SLC41A2: variants seen among roughly 807,000 people sequenced by gnomAD.
SLC41A2 encodes SLC41A1-like 1.
Under a neutral mutation model 58.3 loss-of-function variants are expected in SLC41A2, and 32 were observed. The ratio of observed to expected loss-of-function variants is 0.55; its 90% confidence interval spans 0.41 to 0.74. The LOEUF (loss-of-function observed/expected upper bound fraction) is 0.74. Ranked by LOEUF, SLC41A2 falls within the 30% of genes least tolerant of loss-of-function variation. The probability of loss-of-function intolerance (pLI) is 0.00; values close to 1 mark genes in which losing one functional copy is unlikely to be tolerated. For missense variants in SLC41A2, 514 were observed against 680.6 expected, an observed-to-expected ratio of 0.76 and a Z score of 2.72; for synonymous variants, 190 against 235.0, an observed-to-expected ratio of 0.81 and a Z score of 1.75.
rs564079444 is a variant in SLC41A2 at position 104,860,543 on chromosome 12, C to T, written c.1255+748G>A. Among the ~76,000 whole-genome samples the T allele has an allele frequency of 5.7e-4, 86 of 151,778 alleles. No homozygotes were observed. In the Middle Eastern group the frequency reaches 0.01, roughly 18 times the overall value. On this transcript the variant is annotated intron_variant, in intron 8 of 10. Coordinates refer to ENST00000258538, the MANE Select transcript of SLC41A2 (RefSeq NM_001352171.3). ...ATTTCATAGATAACAAAAAAATATA[C>T]GACAGATTTTTAAAGGGATCAGCTG...
chr12:104,905,985 G>C (rs983816459), intron 3 of SLC41A2, among the ~76,000 whole-genome samples: 1 of 152,238 alleles, frequency 6.6e-6, no homozygotes, highest in Admixed American at 6.5e-5. Context: ...GGACTGAAGG[G>C]CTCCTCTAAT....
At chr12:104,824,391 T>C (rs2041761580) in intron 10 of SLC41A2, among the ~76,000 whole-genome samples, 1 of 152,070 alleles carries the variant, frequency 6.6e-6, no homozygotes, top group Non-Finnish European at 1.5e-5. Flanking sequence ...ACCAGCAGAA[T>C]GATGTGGAGT....
At chr12:104,836,319 T>C (rs939000845) in intron 10 of SLC41A2, among the ~76,000 whole-genome samples, 6 of 152,218 alleles carry the variant, frequency 3.9e-5, no homozygotes, top group African/African-American at 1.2e-4. Context: ...TCAGTTCATA[T>C]ACATAAAGTG....
chr12:104,886,236 ATATTTAT>A, intron 6 of SLC41A2, 50 bp downstream of exon 6: 16 of 1,569,436 alleles, frequency 1.0e-5, no homozygotes, highest in Non-Finnish European at 1.4e-5. Context: ...TGCTGCAACA[ATATTTAT>A]TTAAAGAGAC....
intron 10 of SLC41A2, among the ~76,000 whole-genome samples, chr12:104,837,413 C>T (rs912402485): frequency 1.3e-5 from 2 of 152,128 alleles, no homozygotes; most frequent in Admixed American, 6.5e-5. Context: ...TTTCCTTTCT[C>T]ATTGTCCCTA....
chr12:104,866,242 A>C (rs1350779188), intron 7 of SLC41A2, among the ~76,000 whole-genome samples, 190 bp downstream of exon 7: 2 of 152,138 alleles, frequency 1.3e-5, no homozygotes, highest in African/African-American at 4.8e-5. Context: ...TGTCATTTAG[A>C]TCCCTTGTTA....
chr12:104,911,806 A>G (rs1272461580), intron 2 of SLC41A2, among the ~76,000 whole-genome samples: 1 of 99,830 alleles, frequency 1.0e-5, no homozygotes, highest in African/African-American at 4.9e-5. Flanking sequence ...GGATGGGCCT[A>G]AGAAAGCACT....
intron 2 of SLC41A2, among the ~76,000 whole-genome samples, chr12:104,911,615 A>C (rs1436867778): frequency 6.6e-6 from 1 of 152,232 alleles, no homozygotes; most frequent in African/African-American, 2.4e-5. Context: ...ACTTATATCT[A>C]TCAGATAAAT....
At chr12:104,907,346 T>C (rs1289489974) in intron 3 of SLC41A2, among the ~76,000 whole-genome samples, 1 of 152,146 alleles carries the variant, frequency 6.6e-6, no homozygotes, top group African/African-American at 2.4e-5. Flanking sequence ...ATAATTACAA[T>C]GGCTACATAC....
At chr12:104,815,607 C>A (rs1473791764) in intron 10 of SLC41A2, among the ~76,000 whole-genome samples, 1 of 152,038 alleles carries the variant, frequency 6.6e-6, no homozygotes, top group African/African-American at 2.4e-5. Context: ...AAGATGATTT[C>A]TTTGGGAGAG....
intron 3 of SLC41A2, among the ~76,000 whole-genome samples, chr12:104,903,352 A>G (rs943244394): frequency 3.3e-5 from 5 of 152,218 alleles, no homozygotes; most frequent in African/African-American, 1.2e-4. Flanking sequence ...AAATCCGTAC[A>G]TAATCTGGCC....
intron 10 of SLC41A2, among the ~76,000 whole-genome samples, chr12:104,832,959 A>C (rs1326670025): frequency 1.3e-5 from 2 of 152,162 alleles, no homozygotes; most frequent in African/African-American, 2.4e-5. Context: ...TGGTTCAACA[A>C]ATGATTCAAA....
At chr12:104,880,680 T>G (rs1017592207) in intron 6 of SLC41A2, among the ~76,000 whole-genome samples, 5 of 152,210 alleles carry the variant, frequency 3.3e-5, no homozygotes, top group Non-Finnish European at 5.9e-5. Flanking sequence ...TTGATTATGG[T>G]GGACACGCTT....
chr12:104,855,374 C>T (rs375914116), intron 8 of SLC41A2, among the ~76,000 whole-genome samples: 11 of 152,268 alleles, frequency 7.2e-5, no homozygotes, highest in East Asian at 1.9e-4. Flanking sequence ...ATCCTTCCTT[C>T]GCTATCAGAG....
chr12:104,898,802 A>G (rs1192686324), intron 3 of SLC41A2, among the ~76,000 whole-genome samples: 1 of 152,180 alleles, frequency 6.6e-6, no homozygotes, highest in Admixed American at 6.5e-5. Flanking sequence ...CAAACAATCC[A>G]ACTTAAAAAG....
At position 104,803,636 on chromosome 12, in the gene SLC41A2, A is replaced by G. The variant is rs1205414554; in HGVS notation, c.*1516T>C. The G allele has an allele frequency of 6.6e-6, 1 of 152,194 alleles. No individual in the cohort carries two copies. Among genetic ancestry groups the G allele is most frequent in the African/African-American group, 2.4e-5 (1 of 41,454 alleles). 9.4% of individuals were successfully genotyped at this position (152,194 alleles called of 1,614,324 possible). A position where few individuals can be genotyped will look rare whatever the true frequency, so the allele number is the denominator to read the frequency against. ...TTATTAAATATCTAACGGTCTTGAGAGATTGAATTTTAAAAAATGAACCAC... is the reference window on the plus strand; with the variant it reads ...TTATTAAATATCTAACGGTCTTGAGGGATTGAATTTTAAAAAATGAACCAC... On this transcript the variant is annotated 3_prime_UTR_variant, in exon 11 of 11. Coordinates refer to ENST00000258538, the MANE Select transcript of SLC41A2 (RefSeq NM_001352171.3).
chr12:104,918,623 T>C (rs1022110071), intron 2 of SLC41A2, among the ~76,000 whole-genome samples: 2 of 72,904 alleles, frequency 2.7e-5, no homozygotes, highest in Non-Finnish European at 4.9e-5. Context: ...TTGAAGGAGA[T>C]ACATGAAAAA....
chr12:104,853,910 G>GATTATTATTATTTTT lies in SLC41A2; in HGVS notation c.1255+7380_1255+7381insAAAAATAATAATAAT. Among the ~76,000 whole-genome samples, 2 of 50,798 alleles carry GATTATTATTATTTTT rather than the reference G, an allele frequency of 3.9e-5. 1 individual carries two copies. The highest frequency in any genetic ancestry group is 7.7e-5 in the Non-Finnish European group (2 of 25,910). 33.3% of individuals were successfully genotyped at this position (50,798 alleles called of 152,430 possible). ...CGGGTGCATGTCACCATGCCTGGCT[G>GATTATTATTATTTTT]ATTTTTTTTTTTTTTTTTTTTTTTT... On this transcript the variant is annotated intron_variant, in intron 8 of 10. Coordinates refer to ENST00000258538, the MANE Select transcript of SLC41A2 (RefSeq NM_001352171.3).
intron 2 of SLC41A2, among the ~76,000 whole-genome samples, chr12:104,925,894 T>G (rs2046818192): frequency 6.6e-6 from 1 of 152,216 alleles, no homozygotes; most frequent in Non-Finnish European, 1.5e-5. Context: ...GTCGCAGCTG[T>G]GATACTACTA....
Sources: allele counts gnomAD v4.1 joint callset (sites outside exome capture counted in the v4.1 genomes callset), GRCh38; gene constraint gnomAD v4.1.1; transcripts MANE v1.5; gene names NCBI Gene and HGNC (gene_info 2026-07-23, HGNC 2026-07-21).